The following TNFRSF11B variants were observed in gnomAD, a reference collection of about 807,000 sequenced individuals.
TNFRSF11B encodes the protein tumor necrosis factor receptor superfamily member 11B.
A neutral mutation model predicts 43.4 loss-of-function variants in TNFRSF11B; 16 were observed. That is an observed-to-expected ratio of 0.37 (90% CI 0.25 to 0.56). The LOEUF is 0.56. Among genes scored for constraint, TNFRSF11B ranks in the 20% least tolerant of loss-of-function variants. TNFRSF11B has a pLI of 0.80. For synonymous variants in TNFRSF11B, 185 were observed against 181.8 expected (o/e 1.02, Z -0.14); for missense variants, 444 against 490.1 (o/e 0.91, Z 0.89).
At chr8:118,939,236 C>T (rs953545164) in intron 1 of TNFRSF11B, among the ~76,000 whole-genome samples, 2 of 152,116 alleles carry the variant, frequency 1.3e-5, no homozygotes, top group Admixed American at 6.5e-5. Context: ...TTATATTATA[C>T]CTCCTCTCCC....
intron 1 of TNFRSF11B, among the ~76,000 whole-genome samples, chr8:118,933,716 A>T (rs1402947199): frequency 1.3e-5 from 2 of 152,220 alleles, no homozygotes; most frequent in Non-Finnish European, 2.9e-5. Context: ...TGGGATTCAT[A>T]TCCTTAAGTA....
intron 1 of TNFRSF11B, among the ~76,000 whole-genome samples, chr8:118,950,933 C>A (rs897595282): frequency 4.6e-5 from 7 of 152,068 alleles, no homozygotes; most frequent in Non-Finnish European, 1.0e-4. Flanking sequence ...CCTAGCCTTG[C>A]ATAAATGTCT....
intron 2 of TNFRSF11B, among the ~76,000 whole-genome samples, chr8:118,931,849 T>C (rs996374325): frequency 7.9e-5 from 12 of 152,200 alleles, no homozygotes; most frequent in Non-Finnish European, 1.6e-4. Context: ...TACTTAGCAT[T>C]GATGACCCTG....
chr8:118,924,887 T>A (rs1445222517), intron 4 of TNFRSF11B, 125 bp from the exon 5 acceptor site: 2 of 1,231,080 alleles, frequency 1.6e-6, no homozygotes, highest in South Asian at 1.3e-5. Context: ...GATAACCTTT[T>A]CTTTTGAGAG....
In TNFRSF11B at chr8:118,928,813, G is replaced by C; in HGVS notation, c.517C>G (p.Leu173Val). The part of the protein sequence containing the change: ...HTNCSVFGLL[L>V]TQKGNATHDN... ...TGTGTTGCATTTCCTTTCTGAGTTA[G>C]CAGGAGACCAAAGACACTGCAATTT... The change falls in exon 3 of 5, where the codon CTA (leucine) becomes GTA (valine). Residue 173 changes from leucine (L) to valine (V), a missense_variant. Transcript: ENST00000297350. The C allele has an allele frequency of 1.2e-6, 2 of 1,614,186 alleles. No individual in the cohort carries two copies. Among genetic ancestry groups the C allele is most frequent in the South Asian group, 2.2e-5 (2 of 91,084 alleles).
chr8:118,928,504 T>C (rs1007131800), intron 3 of TNFRSF11B, among the ~76,000 whole-genome samples: 9 of 152,168 alleles, frequency 5.9e-5, no homozygotes, highest in African/African-American at 2.2e-4. Context: ...TTGATTTCAG[T>C]GTGAAAGGAG....
At chr8:118,934,371 ACT>A (rs1341011059) in intron 1 of TNFRSF11B, among the ~76,000 whole-genome samples, 1 of 152,138 alleles carries the variant, frequency 6.6e-6, no homozygotes, top group Non-Finnish European at 1.5e-5. Context: ...AGCAGTCTTG[ACT>A]CTCATAGGTG....
At chr8:118,930,798 T>G (rs1279099226) in intron 2 of TNFRSF11B, 2 of 436,118 alleles carry the variant, frequency 4.6e-6, no homozygotes, top group African/African-American at 4.0e-5. Context: ...TGTCAGATAT[T>G]TCTTTTAGGT....
At chr8:118,944,777 T>C (rs1812534426) in intron 1 of TNFRSF11B, among the ~76,000 whole-genome samples, 1 of 152,132 alleles carries the variant, frequency 6.6e-6, no homozygotes, top group South Asian at 2.1e-4. Context: ...GTTTGACGTG[T>C]ATTCCAAATA....
chr8:118,931,404 A>C (rs1186037816), intron 2 of TNFRSF11B, among the ~76,000 whole-genome samples: 1 of 152,162 alleles, frequency 6.6e-6, no homozygotes, highest in Non-Finnish European at 1.5e-5. Context: ...TTACTTATTT[A>C]AGAAAGATCC....
chr8:118,928,810 T>C lies in TNFRSF11B; in HGVS notation c.520A>G (p.Thr174Ala), dbSNP rs777933852. 1.9e-6 allele frequency: 3 copies of C among 1,614,118 alleles called. No individual in the cohort carries two copies. Among genetic ancestry groups the C allele is most frequent in the Non-Finnish European group, 2.5e-6 (3 of 1,180,052 alleles). The change falls in exon 3 of 5, where the codon ACT becomes GCT. Residue 174 changes from threonine (T) to alanine (A), a missense_variant. Thr to Ala is a moderately conservative substitution (Grantham distance 58, BLOSUM62 0). Coordinates refer to ENST00000297350, the MANE Select transcript of TNFRSF11B (RefSeq NM_002546.4). ...TNCSVFGLLLTQKGNATHDNI... is the reference protein window; with the variant it reads ...TNCSVFGLLLAQKGNATHDNI... Reference sequence around the variant, plus strand: ...TCGTGTGTTGCATTTCCTTTCTGAGTTAGCAGGAGACCAAAGACACTGCAA... The same window carrying C: ...TCGTGTGTTGCATTTCCTTTCTGAGCTAGCAGGAGACCAAAGACACTGCAA...
intron 1 of TNFRSF11B, among the ~76,000 whole-genome samples, chr8:118,947,628 A>G (rs1812585339): frequency 6.6e-6 from 1 of 152,238 alleles, no homozygotes; most frequent in African/African-American, 2.4e-5. Context: ...ATCTGAGTCT[A>G]GATCAGAACT....
rs1393956907 is a variant in TNFRSF11B, at chr8:118,928,888, C to T, written c.442G>A (p.Gly148Arg). 2 of 1,614,140 alleles carry T rather than the reference C, an allele frequency of 1.2e-6. No individual in the cohort carries two copies. The highest frequency in any genetic ancestry group is 1.3e-5 in the African/African-American group (1 of 75,018). ...GATGACGTCTCATTTGAGAAGAACC[C>T]ATCTGGACATCTTTTGCAAACTGTA... is the stretch of plus-strand genomic sequence containing the variant. ...RNTVCKRCPD[G>R]FFSNETSSKA... The change falls in exon 3 of 5, where the codon GGG (glycine) becomes AGG (arginine). Residue 148 changes from glycine to arginine, a missense_variant. Transcript: ENST00000297350.
chr8:118,950,887 C>T (rs1449188339), intron 1 of TNFRSF11B, among the ~76,000 whole-genome samples: 1 of 152,148 alleles, frequency 6.6e-6, no homozygotes, highest in Non-Finnish European at 1.5e-5. Context: ...TACTCAAACA[C>T]ATCCAAAACA....
chr8:118,924,361 T>C lies in TNFRSF11B; in HGVS notation c.*13A>G, dbSNP rs954590213. On this transcript the variant is annotated 3_prime_UTR_variant, in exon 5 of 5. Transcript: ENST00000297350. ...CGCCAATTGTGAGGAAACAGCTCAATGGCCATTTCCAGTTATAAGCAGCTT... is the reference window on the plus strand; with the variant it reads ...CGCCAATTGTGAGGAAACAGCTCAACGGCCATTTCCAGTTATAAGCAGCTT... 5 of 1,613,698 alleles carry C rather than the reference T, an allele frequency of 3.1e-6. No individual in the cohort carries two copies. The African/African-American group carries it at 5.3e-5, about 17-fold the overall frequency.
chr8:118,944,897 C>A (rs1453000301), intron 1 of TNFRSF11B, among the ~76,000 whole-genome samples: 2 of 152,056 alleles, frequency 1.3e-5, no homozygotes, highest in Non-Finnish European at 2.9e-5. Flanking sequence ...TTCAGTAAGT[C>A]CTGAGGGGAT....
intron 2 of TNFRSF11B, among the ~76,000 whole-genome samples, chr8:118,930,274 A>G (rs899718572): frequency 6.6e-6 from 1 of 152,242 alleles, no homozygotes; most frequent in Non-Finnish European, 1.5e-5. Context: ...TATCATAAGC[A>G]GAGGTATTTG....
Position 118,924,349 on chromosome 8 carries a change from G to T in TNFRSF11B, c.*25C>A. ...TCCATGGGATCTCGCCAATTGTGAG[G>T]AAACAGCTCAATGGCCATTTCCAGT... On this transcript the variant is annotated 3_prime_UTR_variant, in exon 5 of 5. Transcript: ENST00000297350. The T allele has an allele frequency of 6.2e-7, 1 of 1,613,446 alleles. No homozygotes were observed. Among genetic ancestry groups the T allele is most frequent in the Non-Finnish European group, 8.5e-7 (1 of 1,179,836 alleles).
Position 118,951,845 on chromosome 8 carries a change from G to C in TNFRSF11B, c.-24C>G. The C allele has an allele frequency of 6.3e-7, 1 of 1,579,168 alleles. No individual in the cohort carries two copies. The highest frequency in any genetic ancestry group is 8.6e-7 in the Non-Finnish European group (1 of 1,162,240). ...ATTGTGGTCCCCGGAAACCTCAGGGGCTTGGAGGCGGCGGCTGGGCGAGCG... is the reference window on the plus strand; with the variant it reads ...ATTGTGGTCCCCGGAAACCTCAGGGCCTTGGAGGCGGCGGCTGGGCGAGCG... On this transcript the variant is annotated 5_prime_UTR_variant, in exon 1 of 5. Transcript: ENST00000297350.
Sources: gnomAD v4.1 joint callset for allele counts (sites outside exome capture counted in the v4.1 genomes callset) on GRCh38, gnomAD v4.1.1 for gene constraint, MANE v1.5 for transcripts, NCBI Gene and HGNC (gene_info 2026-07-23, HGNC 2026-07-21) for gene names.